The following VRTN variants were observed in gnomAD, a reference collection of about 807,000 sequenced individuals.
VRTN encodes vertebrae development associated.
In VRTN, 5 loss-of-function variants were observed where a neutral mutation model predicts 18.2. The ratio of observed to expected loss-of-function variants is 0.27; its 90% CI spans 0.14 to 0.58. The LOEUF is 0.58. VRTN is among the 20% of genes least tolerant of loss of function. VRTN has a pLI of 0.91. For missense variants in VRTN, 741 were observed against 939.4 expected (o/e 0.79, Z 2.76); for synonymous variants, 381 against 393.7 (o/e 0.97, Z 0.38).
intron 1 of VRTN, 137 bp from the exon 2 acceptor site, chr14:74,356,646 C>A: frequency 2.4e-6 from 3 of 1,244,316 alleles, no homozygotes; most frequent in Non-Finnish European, 3.2e-6. Context: ...ATGAACCAAT[C>A]CCGTCTGTTG....
At chr14:74,316,941 G>A (rs1232024377) in intron 1 of VRTN, among the ~76,000 whole-genome samples, 3 of 152,074 alleles carry the variant, frequency 2.0e-5, no homozygotes, top group African/African-American at 7.2e-5. Flanking sequence ...GGCAAGGAGG[G>A]ATTATTCTTG....
In VRTN at chr14:74,308,730, A is replaced by G. The variant is rs569290599; in HGVS notation, c.-164+5554A>G. ...GGGGTTTTGCCATGTTGGCCAAGCT[A>G]CTCTCGAACTCCTAACCTCAAGTGA... On this transcript the variant is annotated intron_variant, in intron 1 of 2. Coordinates refer to the VRTN transcript ENST00000557177. Among the ~76,000 whole-genome samples the G allele has an allele frequency of 1.8e-4, 28 of 151,562 alleles. No individual in the cohort carries two copies. In the South Asian group the frequency reaches 5.4e-3, roughly 29 times the overall value.
chr14:74,310,864 A>C (rs2085384032), intron 1 of VRTN, among the ~76,000 whole-genome samples: 1 of 151,332 alleles, frequency 6.6e-6, no homozygotes, highest in Admixed American at 6.6e-5. Flanking sequence ...CTTTAAAAAA[A>C]ATTTGGGGGG....
intron 1 of VRTN, chr14:74,306,543 A>G (rs910581521): frequency 1.3e-5 from 2 of 152,194 alleles, no homozygotes; most frequent in African/African-American, 2.4e-5. Context: ...TTCAAGCCAT[A>G]TAAAACCTAT....
chr14:74,332,213 C>A (rs1205266396), intron 1 of VRTN, among the ~76,000 whole-genome samples: 1 of 152,048 alleles, frequency 6.6e-6, no homozygotes. Context: ...CACTCCCAAT[C>A]CCAAAGCTTC....
Position 74,356,882 on chromosome 14 carries a change from G to A in VRTN, c.99G>A (p.Glu33=). The stretch of plus-strand genomic sequence containing the variant: ...AGGGTCTCATAGGTGCTTCCTTGGA[G>A]GCCAAGCAGGTCCTGTCTTCCTTCA... ...GLEGLIGASL[E]AKQVLSSFTL... The change falls in exon 2 of 2, where the codon GAG becomes GAA. Residue 33 remains glutamate (E), a synonymous_variant. Transcript: ENST00000256362. 1 of 1,614,104 alleles carries A rather than the reference G, an allele frequency of 6.2e-7. No homozygotes were observed. Among genetic ancestry groups the A allele is most frequent in the Non-Finnish European group, 8.5e-7 (1 of 1,180,000 alleles).
At chr14:74,324,657 G>C (rs1389699320) in intron 1 of VRTN, among the ~76,000 whole-genome samples, 1 of 152,082 alleles carries the variant, frequency 6.6e-6, no homozygotes, top group Non-Finnish European at 1.5e-5. Flanking sequence ...GGAGGCCGAG[G>C]CAGGATGCTC....
At chr14:74,315,766 C>T (rs1324809893) in intron 1 of VRTN, among the ~76,000 whole-genome samples, 1 of 152,174 alleles carries the variant, frequency 6.6e-6, no homozygotes, top group East Asian at 1.9e-4. Context: ...GCTTATCATG[C>T]TCAATGACTA....
intron 1 of VRTN, among the ~76,000 whole-genome samples, chr14:74,356,042 G>A (rs1381898779): frequency 6.6e-6 from 1 of 152,036 alleles, no homozygotes; most frequent in African/African-American, 2.4e-5. Context: ...ATGTTGCTCA[G>A]GCTGGTCTTG....
rs565988646 is a variant in VRTN, at chr14:74,358,539, G to A, written c.1756G>A (p.Ala586Thr). ...QEKEAGRDVT[A>T]VMAPPVGASS... ...GAAGGAGGCTGGCAGGGATGTGACAGCTGTGATGGCCCCACCTGTGGGGGC... is the reference window on the plus strand; with the variant it reads ...GAAGGAGGCTGGCAGGGATGTGACAACTGTGATGGCCCCACCTGTGGGGGC... The change falls in exon 2 of 2, where the codon GCT becomes ACT. Residue 586 changes from alanine to threonine, a missense_variant. Around this residue, in one of 3 missense-constraint regions of VRTN, gnomAD observed 494 missense variants for 546.5 expected, o/e 0.90. Coordinates refer to ENST00000256362, the MANE Select transcript of VRTN (RefSeq NM_018228.3). This position sits in a 1 kb window ranked among gnomAD's most constrained non-coding sequence, Gnocchi z 5.4. 10 of 1,612,926 alleles carry A rather than the reference G, an allele frequency of 6.2e-6. No individual in the cohort carries two copies. In the African/African-American group the frequency reaches 8.0e-5, roughly 13 times the overall value.
At chr14:74,353,889 AT>A (rs1234668822) in intron 1 of VRTN, among the ~76,000 whole-genome samples, 2 of 151,842 alleles carry the variant, frequency 1.3e-5, no homozygotes, top group Admixed American at 1.3e-4. Flanking sequence ...TGCCCGGCTA[AT>A]TTTTTGTATT....
Position 74,316,628 on chromosome 14 carries a change from G to A in VRTN, c.-164+13452G>A, listed in dbSNP as rs1237778090. ...ACAGCAAATGCAAATGCCCAAAGGA[G>A]GGATTATTCTTTTTTTTTTTTTTTT... On this transcript the variant is annotated intron_variant, in intron 1 of 2. Coordinates refer to the VRTN transcript ENST00000557177. Among the ~76,000 whole-genome samples, 5 of 146,454 alleles carry A rather than the reference G, an allele frequency of 3.4e-5. 1 individual carries two copies. Among genetic ancestry groups the A allele is most frequent in the South Asian group, 4.4e-4 (2 of 4,578 alleles).
At chr14:74,350,134 A>C (rs570256939) in intron 1 of VRTN, among the ~76,000 whole-genome samples, 39 of 152,216 alleles carry the variant, frequency 2.6e-4, no homozygotes, top group Middle Eastern at 3.4e-3. Context: ...GTTGCACCTG[A>C]ACCCCATCAT....
chr14:74,352,148 C>T (rs958760784), intron 1 of VRTN, among the ~76,000 whole-genome samples: 4 of 149,106 alleles, frequency 2.7e-5, no homozygotes, highest in South Asian at 2.2e-4. Flanking sequence ...CCACCATGCC[C>T]GGCCTCAGTA....
intron 1 of VRTN, among the ~76,000 whole-genome samples, chr14:74,309,210 T>C (rs1039607990): frequency 1.3e-5 from 2 of 152,198 alleles, no homozygotes; most frequent in Admixed American, 1.3e-4. Context: ...TAGCATTTAT[T>C]GCAGCTGGTT....
At chr14:74,355,536 C>T (rs1369295124) in intron 1 of VRTN, among the ~76,000 whole-genome samples, 2 of 151,922 alleles carry the variant, frequency 1.3e-5, no homozygotes, top group African/African-American at 4.8e-5. Context: ...AAAATAGCAT[C>T]ATTTATTTAT....
intron 1 of VRTN, among the ~76,000 whole-genome samples, chr14:74,348,856 C>A (rs2085662862): frequency 6.8e-6 from 1 of 147,778 alleles, no homozygotes; most frequent in Non-Finnish European, 1.5e-5. Flanking sequence ...TCTTTCTCCC[C>A]ACCCCCACCT....
intron 1 of VRTN, among the ~76,000 whole-genome samples, chr14:74,305,230 G>A (rs1286636425): frequency 6.6e-6 from 1 of 151,928 alleles, no homozygotes; most frequent in African/African-American, 2.4e-5. Context: ...TACTTGGGAG[G>A]CTGAGGCAGG....
intron 1 of VRTN, among the ~76,000 whole-genome samples, chr14:74,316,010 C>G (rs2085417528): frequency 6.6e-6 from 1 of 152,172 alleles, no homozygotes; most frequent in Non-Finnish European, 1.5e-5. Context: ...GGCAAATTCT[C>G]TCTTGTAGCT....
Sources: gnomAD v4.1 joint callset for allele counts (sites outside exome capture counted in the v4.1 genomes callset) on GRCh38, gnomAD v4.1.1 for gene constraint, gnomAD v4.1.1 regional missense constraint, Gnocchi (gnomAD v3.1) non-coding constraint, MANE v1.5 for transcripts, NCBI Gene and HGNC (gene_info 2026-07-23, HGNC 2026-07-21) for gene names.